SVOPL: variants seen among roughly 807,000 people sequenced by gnomAD.
SVOPL encodes the protein putative transporter SVOPL.
Under a neutral mutation model 61.0 loss-of-function variants are expected in SVOPL, and 60 were observed. The ratio of observed to expected loss-of-function variants is 0.98; its 90% CI spans 0.80 to 1.22. SVOPL has a LOEUF of 1.22. Among genes scored for constraint, SVOPL ranks in the 50% most tolerant of loss-of-function variants. SVOPL has a pLI of 0.00. For missense variants in SVOPL, 662 were observed against 643.9 expected, an observed-to-expected ratio of 1.03 and a Z score of -0.30; for synonymous variants, 279 against 250.0, an observed-to-expected ratio of 1.12 and a Z score of -1.09.
intron 9 of SVOPL, among the ~76,000 whole-genome samples, chr7:138,635,930 G>C (rs1194165040): frequency 6.6e-6 from 1 of 152,118 alleles, no homozygotes; most frequent in African/African-American, 2.4e-5. Context: ...GAATCTGATA[G>C]AAAAATATAT....
At chr7:138,692,275 T>C (rs770613125) in intron 1 of SVOPL, among the ~76,000 whole-genome samples, 8 of 152,176 alleles carry the variant, frequency 5.3e-5, no homozygotes, top group Admixed American at 6.6e-5. Flanking sequence ...TGTGTATGCA[T>C]GTGTGCTGAG....
chr7:138,596,510 T>C lies in SVOPL; in HGVS notation c.1374A>G (p.Ile458Met). The C allele has an allele frequency of 1.2e-6, 2 of 1,613,774 alleles. No homozygotes were observed. Among genetic ancestry groups the C allele is most frequent in the Non-Finnish European group, 8.5e-7 (1 of 1,179,790 alleles). Residue 458 changes from isoleucine (I) to methionine (M), a missense_variant, in exon 15 of 16, where the codon ATA (isoleucine) becomes ATG (methionine). Coordinates refer to ENST00000674285, the MANE Select transcript of SVOPL (RefSeq NM_001139456.2). ...ATGAGAAGAGACACAGGGCCCCCAG[T>C]ATTGATGCACTCATAAGAACCTGCA... ...FISQVLMSASILGALCLFSSV... is the reference protein window; with the variant it reads ...FISQVLMSASMLGALCLFSSV...
At chr7:138,674,482 G>C (rs1046219047) in intron 3 of SVOPL, among the ~76,000 whole-genome samples, 2 of 151,876 alleles carry the variant, frequency 1.3e-5, no homozygotes, top group Non-Finnish European at 2.9e-5. Flanking sequence ...AAGCAGTTCT[G>C]TCTTCCTTTG....
At chr7:138,634,962 T>G (rs973430711) in intron 9 of SVOPL, among the ~76,000 whole-genome samples, 1 of 151,890 alleles carries the variant, frequency 6.6e-6, no homozygotes, top group African/African-American at 2.4e-5. Flanking sequence ...AGAACCTGTC[T>G]CAGAAATTTT....
At chr7:138,626,179 G>T in intron 12 of SVOPL, 129 bp from the exon 13 acceptor site, 1 of 851,842 alleles carries the variant, frequency 1.2e-6, no homozygotes, top group Non-Finnish European at 1.8e-6. Flanking sequence ...GGGAGGTGCT[G>T]CTTCTCAGCT....
intron 1 of SVOPL, among the ~76,000 whole-genome samples, chr7:138,693,557 G>GA (rs1457346540): frequency 1.0e-5 from 1 of 98,002 alleles, no homozygotes; most frequent in African/African-American, 5.2e-5. Flanking sequence ...AAGAAAGAAA[G>GA]AAAGAAAGAA....
chr7:138,659,289 C>T (rs535948142), intron 6 of SVOPL, among the ~76,000 whole-genome samples: 9 of 152,138 alleles, frequency 5.9e-5, no homozygotes, highest in East Asian at 5.8e-4. Flanking sequence ...GTCAAGAGTT[C>T]GAGACTAGCC....
rs35593361 is a variant in SVOPL at position 138,672,656 on chromosome 7, TAAAAAAA to T, written c.175-546_175-540del. 3.4e-5 allele frequency among the ~76,000 whole-genome samples: 4 copies of T among 118,832 alleles called. No homozygotes were observed. The South Asian group carries it at 1.2e-3, about 35-fold the overall frequency. 78.0% of individuals were successfully genotyped at this position (118,832 alleles called of 152,430 possible). ...GCAGGAAAGTGTTTTTTTTTGTGTT[TAAAAAAA>T]AAAAAAAAAAAAGAAGCAATGGGAT... On this transcript the variant is annotated intron_variant, in intron 3 of 15. Transcript: ENST00000674285.
intron 8 of SVOPL, 57 bp from the exon 9 acceptor site, chr7:138,644,902 C>A: frequency 6.2e-7 from 1 of 1,608,238 alleles, no homozygotes; most frequent in Non-Finnish European, 8.5e-7. Context: ...CCCAGGGGTA[C>A]AGCTATTATT....
chr7:138,596,283 A>G, intron 15 of SVOPL, 134 bp downstream of exon 15: 1 of 745,656 alleles, frequency 1.3e-6, no homozygotes, highest in Non-Finnish European at 2.1e-6. Flanking sequence ...TGTTATTCAA[A>G]CTACAACTTT....
At chr7:138,665,680 C>T (rs935580215) in intron 4 of SVOPL, among the ~76,000 whole-genome samples, 2 of 152,282 alleles carry the variant, frequency 1.3e-5, no homozygotes, top group South Asian at 4.2e-4. Context: ...AATGCCACAC[C>T]TGGATCTCCA....
At chr7:138,634,336 T>A (rs139194006) in intron 9 of SVOPL, among the ~76,000 whole-genome samples, 1 of 151,852 alleles carries the variant, frequency 6.6e-6, no homozygotes, top group Admixed American at 6.6e-5. Flanking sequence ...CAAGACCTCA[T>A]CTCTATGAAA....
intron 1 of SVOPL, among the ~76,000 whole-genome samples, chr7:138,682,261 T>C (rs751042742): frequency 2.0e-5 from 3 of 152,062 alleles, no homozygotes; most frequent in Non-Finnish European, 4.4e-5. Context: ...ATGAGAGGAA[T>C]ATGACTGATA....
intron 5 of SVOPL, chr7:138,660,671 CTG>C: frequency 4.1e-6 from 4 of 985,394 alleles, no homozygotes; most frequent in Non-Finnish European, 4.8e-6. Context: ...TATGCCCTCT[CTG>C]ATATCTTTAG....
chr7:138,631,248 C>A (rs907958659), intron 9 of SVOPL, among the ~76,000 whole-genome samples: 7 of 152,086 alleles, frequency 4.6e-5, no homozygotes, highest in African/African-American at 1.7e-4. Context: ...TATGGGGGTA[C>A]ATGAGCTGTT....
intron 5 of SVOPL, chr7:138,661,092 T>C: frequency 3.0e-6 from 3 of 985,424 alleles, no homozygotes; most frequent in Non-Finnish European, 3.6e-6. Context: ...CTATGCTATT[T>C]ATTTCATGTA....
At chr7:138,620,001 G>A (rs1584789395) in intron 14 of SVOPL, among the ~76,000 whole-genome samples, 2 of 152,016 alleles carry the variant, frequency 1.3e-5, no homozygotes, top group African/African-American at 4.8e-5. Context: ...AGAGGACAGA[G>A]CCTGGGCCCC....
intron 6 of SVOPL, among the ~76,000 whole-genome samples, chr7:138,657,607 C>T (rs531248239): frequency 9.8e-5 from 15 of 152,290 alleles, no homozygotes; most frequent in Middle Eastern, 3.4e-3. Context: ...TTTCTAATTG[C>T]TCTTCTCTGT....
intron 14 of SVOPL, among the ~76,000 whole-genome samples, chr7:138,617,499 C>T (rs1799353453): frequency 6.6e-6 from 1 of 152,158 alleles, no homozygotes; most frequent in Non-Finnish European, 1.5e-5. Context: ...AGCTGTGCCT[C>T]CCCAGAGGGT....
Sources: allele counts gnomAD v4.1 joint callset (sites outside exome capture counted in the v4.1 genomes callset), GRCh38; gene constraint gnomAD v4.1.1; transcripts MANE v1.5; gene names NCBI Gene and HGNC (gene_info 2026-07-23, HGNC 2026-07-21).